Variants in NHP2 observed in about 807,000 individuals in gnomAD.
NHP2 encodes NHP2 ribonucleoprotein.
A neutral mutation model predicts 16.7 loss-of-function variants in NHP2; 10 were observed. The ratio of observed to expected loss-of-function variants is 0.60; its 90% CI spans 0.37 to 1.01. NHP2 has a LOEUF of 1.01. Ranked by LOEUF, NHP2 falls within the 50% of genes least tolerant of loss-of-function variation. The pLI, the probability that NHP2 is intolerant of heterozygous loss-of-function variation, is 0.01. For synonymous variants in NHP2, 87 were observed against 78.9 expected, an observed-to-expected ratio of 1.10 and a Z score of -0.54; for missense variants, 184 against 198.3, an observed-to-expected ratio of 0.93 and a Z score of 0.43.
Position 178,149,672 on chromosome 5 carries a change from A to G in NHP2, c.*41T>C, listed in dbSNP as rs761847106. ...AGCCAGTCGTCCTGCTGCCAGCCCAATAGCTTCCAGCGGCAGGTGCCCAGG... is the reference window on the plus strand; with the variant it reads ...AGCCAGTCGTCCTGCTGCCAGCCCAGTAGCTTCCAGCGGCAGGTGCCCAGG... On this transcript the variant is annotated 3_prime_UTR_variant, in exon 4 of 4. Coordinates refer to ENST00000274606, the MANE Select transcript of NHP2 (RefSeq NM_017838.4). 21 of 1,611,886 alleles carry G rather than the reference A, an allele frequency of 1.3e-5. No individual in the cohort carries two copies. The highest frequency in any genetic ancestry group is 2.2e-5 in the East Asian group (1 of 44,872).
chr5:178,150,675 G>T (rs752161974), intron 3 of NHP2: 1 of 699,452 alleles, frequency 1.4e-6, no homozygotes, highest in Non-Finnish European at 2.6e-6. Context: ...GAGCCACAGC[G>T]CCTGGGCTGG....
Position 178,150,923 on chromosome 5 carries a change from G to T in NHP2, c.301C>A (p.Arg101=). 3.1e-6 allele frequency: 5 copies of T among 1,613,998 alleles called. No homozygotes were observed. The highest frequency in any genetic ancestry group is 4.2e-6 in the Non-Finnish European group (5 of 1,179,900). The change falls in exon 3 of 4, where the codon CGA becomes AGA. Residue 101 remains arginine (R), a synonymous_variant. Transcript: ENST00000274606. ...GGGATATAGACATAGGGCAAATTTC[G>T]GTCCTCACACATGACTGGGAGATGG... ...YCHLPVMCED[R]NLPYVYIPSK...
intron 2 of NHP2, chr5:178,153,094 C>CA: frequency 3.0e-6 from 1 of 329,270 alleles, no homozygotes; most frequent in South Asian, 2.6e-5. Context: ...CAAAAACAAA[C>CA]AAAAACGTTA....
intron 3 of NHP2, chr5:178,150,289 C>T (rs1263434859): frequency 9.0e-6 from 2 of 221,794 alleles, no homozygotes; most frequent in South Asian, 1.2e-4. Context: ...TTGGTTCTTA[C>T]CATCAGGCCA....
rs1216718446 is a variant in NHP2, at chr5:178,149,765, T to G, written c.410A>C (p.Glu137Ala). ...CTCCTCCAGGCACTCATCGTAAGCC[T>G]CCTGGTACTCCTCATGGGGCTTGAC... ...IMVKPHEEYQEAYDECLEEVQ... is the reference protein window; with the variant it reads ...IMVKPHEEYQAAYDECLEEVQ... The change falls in exon 4 of 4, where the codon GAG becomes GCG. Residue 137 changes from glutamate (E) to alanine (A), a missense_variant. Physicochemically the swap from Glu to Ala is moderately radical, Grantham distance 107. Coordinates refer to ENST00000274606, the MANE Select transcript of NHP2 (RefSeq NM_017838.4). The G allele has an allele frequency of 1.2e-6, 2 of 1,613,944 alleles. No individual in the cohort carries two copies. The highest frequency in any genetic ancestry group is 1.7e-5 in the Admixed American group (1 of 59,990).
chr5:178,150,221 A>G (rs1581135705), intron 3 of NHP2: 1 of 220,408 alleles, frequency 4.5e-6, no homozygotes, highest in East Asian at 1.2e-4. Context: ...CTTAGCTTAC[A>G]AAGCTCTTTC....
Position 178,149,623 on chromosome 5 carries a change from G to T in NHP2, c.*90C>A. On this transcript the variant is annotated 3_prime_UTR_variant, in exon 4 of 4. Transcript: ENST00000274606. ...TGCCTTGGGGAACTGGGAAGATGCC[G>T]TCAGTGTGGGTGGGCAGGAGGACAG... 1.3e-6 allele frequency: 2 copies of T among 1,562,090 alleles called. No homozygotes were observed. The highest frequency in any genetic ancestry group is 2.3e-5 in the East Asian group (1 of 44,214).
chr5:178,153,583 C>A (rs759355382), intron 1 of NHP2, 23 bp from the exon 2 acceptor site: 5 of 1,613,946 alleles, frequency 3.1e-6, no homozygotes. Flanking sequence ...AAGAGTCGGT[C>A]GGGGGCCTCG....
intron 3 of NHP2, 188 bp downstream of exon 3, chr5:178,150,700 A>T: frequency 1.4e-6 from 1 of 736,152 alleles, no homozygotes; most frequent in East Asian, 2.5e-5. Context: ...CCCACTTTAC[A>T]AGATGGGAAC....
At position 178,149,853 on chromosome 5, in the gene NHP2, GA is replaced by G; in HGVS notation, c.337-16del. On this transcript the variant is annotated splice_polypyrimidine_tract_variant and intron_variant, in intron 3 of 3. Transcript: ENST00000274606. ...GCACCCAGGTCCTACAGAGGGGAAA[GA>G]AGTGCTGTTTGGAAAAAAGCTGTAC... 6.2e-7 allele frequency: 1 copy of G among 1,612,972 alleles called. No homozygotes were observed. Among genetic ancestry groups the G allele is most frequent in the Admixed American group, 1.7e-5 (1 of 59,818 alleles).
chr5:178,153,699 G>A lies in NHP2; in HGVS notation c.119C>T (p.Ser40Phe), dbSNP rs1756333144. 6.2e-7 allele frequency: 1 copy of A among 1,613,944 alleles called. No homozygotes were observed. The highest frequency in any genetic ancestry group is 1.1e-5 in the South Asian group (1 of 91,074). ...GTAGAGCTTCCGCGTGAGGCGGCGA[G>A]AAGCCAGGGGCTGCGCGATGGGGTT... is the stretch of plus-strand genomic sequence containing the variant. ...NQNPIAQPLA[S>F]RRLTRKLYKC... is the part of the protein sequence containing the mutation. The change falls in exon 1 of 4, where the codon TCT (serine) becomes TTT (phenylalanine). Residue 40 changes from serine to phenylalanine, a missense_variant. By Grantham distance (155) the Ser-to-Phe change is radical. Transcript: ENST00000274606.
intron 2 of NHP2, among the ~76,000 whole-genome samples, chr5:178,151,570 G>A (rs115106630): frequency 0.021 from 3,177 of 152,262 alleles, 40 homozygotes; most frequent in Middle Eastern, 0.061. Flanking sequence ...GATAACAGGC[G>A]GACACACAAG....
chr5:178,153,778 G>C lies in NHP2; in HGVS notation c.40C>G (p.Gln14Glu). 6.2e-7 allele frequency: 1 copy of C among 1,612,634 alleles called. No individual in the cohort carries two copies. Among genetic ancestry groups the C allele is most frequent in the Non-Finnish European group, 8.5e-7 (1 of 1,179,372 alleles). Residue 14 changes from glutamine (Q) to glutamate (E), a missense_variant, in exon 1 of 4, where the codon CAG (glutamine) becomes GAG (glutamate). By Grantham distance (29) the Gln-to-Glu change is conservative. Coordinates refer to ENST00000274606, the MANE Select transcript of NHP2 (RefSeq NM_017838.4). Reference protein sequence around the residue: ...IKADPDGPEAQAEACSGERTY... With the variant: ...IKADPDGPEAEAEACSGERTY... Reference sequence around the variant, plus strand: ...CGCTCCCCGGAACACGCCTCCGCCTGAGCCTCGGGCCCGTCGGGATCTGCC... The same window carrying C: ...CGCTCCCCGGAACACGCCTCCGCCTCAGCCTCGGGCCCGTCGGGATCTGCC...
At chr5:178,152,459 C>A in intron 2 of NHP2, among the ~76,000 whole-genome samples, 1 of 151,808 alleles carries the variant, frequency 6.6e-6, no homozygotes. Flanking sequence ...CCCTCCCCAG[C>A]TAGGTTAGAT....
chr5:178,151,330 G>A (rs143783099), intron 2 of NHP2, among the ~76,000 whole-genome samples: 313 of 152,296 alleles, frequency 2.1e-3, no homozygotes, highest in Admixed American at 6.7e-3. Context: ...GAGAGCATGT[G>A]GTGTGAGAAT....
intron 3 of NHP2, chr5:178,150,067 G>C (rs1756227263): frequency 4.5e-6 from 2 of 448,088 alleles, no homozygotes; most frequent in Non-Finnish European, 8.1e-6. Context: ...ACTATGAAAG[G>C]GCTCCAGCCC....
Position 178,153,644 on chromosome 5 carries a change from G to A in NHP2, c.160+14C>T. 2 of 1,612,948 alleles carry A rather than the reference G, an allele frequency of 1.2e-6. No individual in the cohort carries two copies. Among genetic ancestry groups the A allele is most frequent in the South Asian group, 1.1e-5 (1 of 91,040 alleles). ...CCCGCGCACCCATCCCGGCCACGCCGCCGTCCGCCTCACCTTTCTTGATGC... is the reference window on the plus strand; with the variant it reads ...CCCGCGCACCCATCCCGGCCACGCCACCGTCCGCCTCACCTTTCTTGATGC... On this transcript the variant is annotated intron_variant, in intron 1 of 3. Transcript: ENST00000274606.
In NHP2 at chr5:178,149,820, C is replaced by G. The variant is rs750874926; in HGVS notation, c.355G>C (p.Gly119Arg). ...PSKTDLGAAA[G>R]SKRPTCVIMV... ...ATCACACAGGTGGGGCGCTTGGAGC[C>G]TGCGGCTGCACCCAGGTCCTACAGA... The change falls in exon 4 of 4, where the codon GGC (glycine) becomes CGC (arginine). Residue 119 changes from glycine to arginine, a missense_variant. Coordinates refer to ENST00000274606, the MANE Select transcript of NHP2 (RefSeq NM_017838.4). 1 of 1,613,774 alleles carries G rather than the reference C, an allele frequency of 6.2e-7. No individual in the cohort carries two copies.
At chr5:178,152,418 G>A (rs1317467877) in intron 2 of NHP2, among the ~76,000 whole-genome samples, 2 of 131,776 alleles carry the variant, frequency 1.5e-5, no homozygotes, top group African/African-American at 5.8e-5. Context: ...CAGCTCAAAT[G>A]TGACTGCTGA....
Sources: allele counts gnomAD v4.1 joint callset (sites outside exome capture counted in the v4.1 genomes callset), GRCh38; gene constraint gnomAD v4.1.1; transcripts MANE v1.5; gene names NCBI Gene and HGNC (gene_info 2026-07-23, HGNC 2026-07-21).